CHRNA3: variants seen among roughly 807,000 people sequenced by gnomAD.
The protein encoded by CHRNA3 is neuronal acetylcholine receptor subunit alpha-3.
Under a neutral mutation model 41.9 loss-of-function variants are expected in CHRNA3, and 34 were observed. The observed-to-expected ratio is 0.81, with a 90% CI of 0.62 to 1.08. The LOEUF is 1.08. Among genes scored for constraint, CHRNA3 ranks in the 50% least tolerant of loss-of-function variants. CHRNA3 has a pLI of 0.00. For missense variants in CHRNA3, 542 were observed against 638.3 expected, an observed-to-expected ratio of 0.85 and a Z score of 1.63; for synonymous variants, 281 against 265.2, an observed-to-expected ratio of 1.06 and a Z score of -0.58.
rs1295333312 is a variant in CHRNA3, at chr15:78,601,858, C to T, written c.784G>A (p.Val262Ile). ...CLLISFLTVL[V>I]FYLPSDCGEK... The stretch of plus-strand genomic sequence containing the variant: ...CCGCAGTCGGAGGGCAGGTAGAAGA[C>T]GAGCACAGTGAGGAAGGAGATGAGC... Residue 262 changes from valine (V) to isoleucine (I), a missense_variant, in exon 5 of 6, where the codon GTC becomes ATC. Transcript: ENST00000326828. 2 of 1,613,956 alleles carry T rather than the reference C, an allele frequency of 1.2e-6. No homozygotes were observed. Among genetic ancestry groups the T allele is most frequent in the Non-Finnish European group, 1.7e-6 (2 of 1,179,972 alleles).
At chr15:78,619,139 A>T (rs981483415) in intron 1 of CHRNA3, 39 of 584,436 alleles carry the variant, frequency 6.7e-5, no homozygotes, top group Admixed American at 4.6e-4. Context: ...TGAGAAGCAC[A>T]GTGGTTGCAA....
Position 78,604,829 on chromosome 15 carries a change from A to G in CHRNA3, c.378-2565T>C, listed in dbSNP as rs554462387. 3.9e-5 allele frequency among the ~76,000 whole-genome samples: 6 copies of G among 152,324 alleles called. No homozygotes were observed. In the South Asian group the frequency reaches 1.0e-3, roughly 26 times the overall value. On this transcript the variant is annotated intron_variant, in intron 4 of 5. Transcript: ENST00000326828. ...GCAGTTTGAGACCAGCCTGGTCAAC[A>G]TGACAAAACCCCATCTCTACTAAAA...
chr15:78,598,402 T>G (rs1463942123), intron 5 of CHRNA3, among the ~76,000 whole-genome samples: 1 of 151,942 alleles, frequency 6.6e-6, no homozygotes, highest in African/African-American at 2.4e-5. Context: ...TTATATCTTT[T>G]TTTTTTTTTT....
At position 78,596,626 on chromosome 15, in the gene CHRNA3, A is replaced by G. The variant is rs1240583116; in HGVS notation, c.1496T>C (p.Leu499Pro). ...TGCTTATGCATCTTCCCTGGCCATC[A>G]GGGGTTGCAGAAACAATCCTGCTGT... ...LGTAGLFLQP[L>P]MAREDA is the part of the protein sequence containing the mutation. Residue 499 changes from leucine (L) to proline (P), a missense_variant, in exon 6 of 6, where the codon CTG becomes CCG. Leu to Pro is a moderately conservative substitution (Grantham distance 98, BLOSUM62 -3). Coordinates refer to ENST00000326828, the MANE Select transcript of CHRNA3 (RefSeq NM_000743.5). 1 of 1,607,704 alleles carries G rather than the reference A, an allele frequency of 6.2e-7. No homozygotes were observed. Among genetic ancestry groups the G allele is most frequent in the Non-Finnish European group, 8.5e-7 (1 of 1,178,668 alleles).
intron 4 of CHRNA3, among the ~76,000 whole-genome samples, chr15:78,603,130 C>G (rs1241600836): frequency 6.6e-6 from 1 of 152,222 alleles, no homozygotes; most frequent in Non-Finnish European, 1.5e-5. Context: ...GTCTCCTGCT[C>G]AGCCTCCTGA....
At chr15:78,608,286 C>G (rs764339542) in intron 4 of CHRNA3, among the ~76,000 whole-genome samples, 1 of 152,216 alleles carries the variant, frequency 6.6e-6, no homozygotes, top group Non-Finnish European at 1.5e-5. Flanking sequence ...CCCTGACCCC[C>G]GAGCAGCCTA....
Position 78,601,877 on chromosome 15 carries a change from G to A in CHRNA3, c.765C>T (p.Ile255=). The A allele has an allele frequency of 6.2e-7, 1 of 1,614,158 alleles. No individual in the cohort carries two copies. The stretch of plus-strand genomic sequence containing the variant: ...AGAAGACGAGCACAGTGAGGAAGGA[G>A]ATGAGCAGGCAGGGGATGATGAGGT... ...TINLIIPCLL[I]SFLTVLVFYL... Residue 255 remains isoleucine (I), a synonymous_variant, in exon 5 of 6, where the codon ATC becomes ATT. Transcript: ENST00000326828.
rs1410849862 is a variant in CHRNA3, at chr15:78,603,633, T to A, written c.378-1369A>T. ...ATATCCTTGTGCTGCTGTAATTGGA[T>A]GGGAACCTGTGAAAACAGAAGGGGA... On this transcript the variant is annotated intron_variant, in intron 4 of 5. Transcript: ENST00000326828. 2.6e-5 allele frequency among the ~76,000 whole-genome samples: 4 copies of A among 152,186 alleles called. No individual in the cohort carries two copies. In the East Asian group the frequency reaches 7.7e-4, roughly 29 times the overall value.
chr15:78,605,428 G>A (rs2053268462), intron 4 of CHRNA3, among the ~76,000 whole-genome samples: 3 of 152,146 alleles, frequency 2.0e-5, no homozygotes, highest in South Asian at 4.1e-4. Flanking sequence ...GCAGCCGGGG[G>A]AAAAGAAAGA....
At position 78,601,910 on chromosome 15, in the gene CHRNA3, G is replaced by C; in HGVS notation, c.732C>G (p.Tyr244Ter). 6.2e-7 allele frequency: 1 copy of C among 1,613,944 alleles called. No individual in the cohort carries two copies. Among genetic ancestry groups the C allele is most frequent in the East Asian group, 2.2e-5 (1 of 44,872 alleles). The change falls in exon 5 of 6, where the codon TAC (tyrosine) becomes TAG (stop). Residue 244 changes from tyrosine (Y) to a stop codon, truncating the protein, a stop_gained. Coordinates refer to ENST00000326828, the MANE Select transcript of CHRNA3 (RefSeq NM_000743.5). LOFTEE classifies it high-confidence loss of function. ...GGCAGGGGATGATGAGGTTGATGGTGTAGAACAAGGGCAGGCGCCGGATGT... is the reference window on the plus strand; with the variant it reads ...GGCAGGGGATGATGAGGTTGATGGTCTAGAACAAGGGCAGGCGCCGGATGT... ...SLYIRRLPLF[Y>*]TINLIIPCLL...
At chr15:78,603,612 C>G (rs545354723) in intron 4 of CHRNA3, among the ~76,000 whole-genome samples, 2 of 152,264 alleles carry the variant, frequency 1.3e-5, no homozygotes, top group East Asian at 3.9e-4. Flanking sequence ...TTAGGGATAT[C>G]CTTGTGCTGC....
In CHRNA3 at chr15:78,601,239, A is replaced by G. The variant is rs773779464; in HGVS notation, c.1389+14T>C. On this transcript the variant is annotated intron_variant, in intron 5 of 5. Transcript: ENST00000326828. ...ATGAATGAATGACCAATGTAATAAAAGCCATATCCTTACCTCTTTGGCTTC... is the reference window on the plus strand; with the variant it reads ...ATGAATGAATGACCAATGTAATAAAGGCCATATCCTTACCTCTTTGGCTTC... The G allele has an allele frequency of 2.2e-5, 36 of 1,602,668 alleles. 1 individual carries two copies. The East Asian group carries it at 8.0e-4, about 36-fold the overall frequency.
intron 4 of CHRNA3, among the ~76,000 whole-genome samples, chr15:78,604,148 G>A (rs2053247895): frequency 6.6e-6 from 1 of 152,160 alleles, no homozygotes; most frequent in Non-Finnish European, 1.5e-5. Context: ...TAAAATCTGG[G>A]GGGAATAGTG....
intron 4 of CHRNA3, among the ~76,000 whole-genome samples, chr15:78,608,629 G>GA (rs1052711390): frequency 2.6e-5 from 4 of 152,198 alleles, no homozygotes; most frequent in African/African-American, 7.2e-5. Context: ...CAAAGATGGG[G>GA]AAAAAACAGA....
intron 4 of CHRNA3, among the ~76,000 whole-genome samples, chr15:78,615,157 G>A (rs1555419163): frequency 6.6e-6 from 1 of 152,150 alleles, no homozygotes; most frequent in Non-Finnish European, 1.5e-5. Flanking sequence ...GGGAGCACGG[G>A]GCCCAGAATG....
chr15:78,601,172 C>T (rs1027243071), intron 5 of CHRNA3, 81 bp downstream of exon 5: 1 of 1,429,238 alleles, frequency 7.0e-7, no homozygotes, highest in African/African-American at 1.4e-5. Context: ...TAACCCCCTA[C>T]CCTATGCCTT....
rs201991394 is a variant in CHRNA3 at position 78,595,425 on chromosome 15, A to G, written c.*1179T>C. 1.9e-5 allele frequency: 19 copies of G among 985,134 alleles called. No homozygotes were observed. Among genetic ancestry groups the G allele is most frequent in the African/African-American group, 1.9e-4 (11 of 57,360 alleles). The allele number at this position is 985,134 out of a possible 1,614,324, so 61.0% of individuals were successfully genotyped here. On this transcript the variant is annotated 3_prime_UTR_variant, in exon 6 of 6. Transcript: ENST00000326828. ...ACGTTAAGTTTCAGAAGTGTAGTAC[A>G]TGATACTCTTAACAATTTGTCTAAA...
chr15:78,593,237 GA>G (rs1567065763), downstream of CHRNA3: 1 of 1,609,812 alleles, frequency 6.2e-7, no homozygotes. Flanking sequence ...GTTCATATTG[GA>G]AATGCAAATA....
At position 78,596,629 on chromosome 15, in the gene CHRNA3, G is replaced by A. The variant is rs2141319077; in HGVS notation, c.1493C>T (p.Pro498Leu). 6.2e-7 allele frequency: 1 copy of A among 1,608,806 alleles called. No individual in the cohort carries two copies. Among genetic ancestry groups the A allele is most frequent in the Non-Finnish European group, 8.5e-7 (1 of 1,178,916 alleles). The change falls in exon 6 of 6, where the codon CCC (proline) becomes CTC (leucine). Residue 498 changes from proline to leucine, a missense_variant. By Grantham distance (98) the Pro-to-Leu change is moderately conservative. Transcript: ENST00000326828. ...TTATGCATCTTCCCTGGCCATCAGGGGTTGCAGAAACAATCCTGCTGTCCC... is the reference window on the plus strand; with the variant it reads ...TTATGCATCTTCCCTGGCCATCAGGAGTTGCAGAAACAATCCTGCTGTCCC... Reference protein sequence around the residue: ...ILGTAGLFLQPLMAREDA With the variant: ...ILGTAGLFLQLLMAREDA
Sources: gnomAD v4.1 joint callset for allele counts (sites outside exome capture counted in the v4.1 genomes callset) on GRCh38, gnomAD v4.1.1 for gene constraint, MANE v1.5 for transcripts, NCBI Gene and HGNC (gene_info 2026-07-23, HGNC 2026-07-21) for gene names.